C12orf54: variants seen among roughly 807,000 people sequenced by gnomAD.
C12orf54 encodes chromosome 12 open reading frame 54.
In C12orf54, 24 loss-of-function variants were observed where a neutral mutation model predicts 26.4. The ratio of observed to expected loss-of-function variants is 0.91; its 90% CI spans 0.66 to 1.28. C12orf54 has a LOEUF of 1.28. Among genes scored for constraint, C12orf54 ranks in the 50% most tolerant of loss-of-function variants. The pLI, the probability that C12orf54 is intolerant of heterozygous loss-of-function variation, is 0.00. For synonymous variants in C12orf54, 54 were observed against 47.0 expected, an observed-to-expected ratio of 1.15 and a Z score of -0.61; for missense variants, 154 against 150.9, an observed-to-expected ratio of 1.02 and a Z score of -0.11.
At chr12:48,477,333 A>C in the C12orf54 span, among the ~76,000 whole-genome samples, 5 of 152,234 alleles carry the variant, frequency 3.3e-5, no homozygotes, top group Non-Finnish European at 7.3e-5. Context: ...CACAATTAAA[A>C]GAACTAGAAA....
the C12orf54 span, among the ~76,000 whole-genome samples, chr12:48,454,459 C>T: frequency 0.2 from 29,926 of 151,976 alleles, 3,269 homozygotes; most frequent in South Asian, 0.3. Flanking sequence ...TTTTACCTGA[C>T]ATAGAAAAAA....
chr12:48,435,380 G>A, the C12orf54 span, among the ~76,000 whole-genome samples: 21 of 152,288 alleles, frequency 1.4e-4, no homozygotes, highest in Non-Finnish European at 2.5e-4. Context: ...AGCAAGGCAG[G>A]CCAACATTCA....
the C12orf54 span, among the ~76,000 whole-genome samples, chr12:48,462,013 G>C: frequency 6.6e-6 from 1 of 151,686 alleles, no homozygotes; most frequent in East Asian, 1.9e-4. Context: ...GAGAGAGATG[G>C]ATAGAGAAAG....
At chr12:48,451,027 AAG>A in the C12orf54 span, among the ~76,000 whole-genome samples, 8 of 152,250 alleles carry the variant, frequency 5.3e-5, no homozygotes, top group African/African-American at 1.7e-4. Context: ...ATTTAAAAAA[AAG>A]AGAGAGAAAA....
the C12orf54 span, among the ~76,000 whole-genome samples, chr12:48,450,502 G>T: frequency 6.6e-6 from 1 of 152,126 alleles, no homozygotes; most frequent in Non-Finnish European, 1.5e-5. Context: ...AACTGAAGGA[G>T]ACAGAGACAT....
At chr12:48,435,564 C>T in the C12orf54 span, among the ~76,000 whole-genome samples, 12 of 152,296 alleles carry the variant, frequency 7.9e-5, no homozygotes, top group African/African-American at 1.9e-4. Context: ...GCTGATCTCT[C>T]GGCAGAAACT....
At chr12:48,430,574 A>G in the C12orf54 span, among the ~76,000 whole-genome samples, 2 of 152,220 alleles carry the variant, frequency 1.3e-5, no homozygotes, top group African/African-American at 4.8e-5. Context: ...GATCAGAGAA[A>G]TGCAAATCAA....
At chr12:48,472,127 T>C in the C12orf54 span, among the ~76,000 whole-genome samples, 1 of 152,198 alleles carries the variant, frequency 6.6e-6, no homozygotes, top group African/African-American at 2.4e-5. Flanking sequence ...GGTTGTGTTC[T>C]TGATTTATTC....
upstream of C12orf54, among the ~76,000 whole-genome samples, chr12:48,478,385 A>C (rs541272329): frequency 6.6e-6 from 1 of 152,302 alleles, no homozygotes; most frequent in African/African-American, 2.4e-5. Context: ...ATAGTGTTGG[A>C]AGTTCTGGCC....
chr12:48,419,324 T>C, the C12orf54 span, among the ~76,000 whole-genome samples: 1 of 151,522 alleles, frequency 6.6e-6, no homozygotes, highest in Non-Finnish European at 1.5e-5. Context: ...TTTGGAAGGG[T>C]TTTAAGCCTT....
chr12:48,472,889 A>G, the C12orf54 span: 8 of 1,614,200 alleles, frequency 5.0e-6, no homozygotes, highest in Non-Finnish European at 6.8e-6. Context: ...GCAGTAACAG[A>G]GCCTCAGTGG....
At chr12:48,434,408 A>T in the C12orf54 span, among the ~76,000 whole-genome samples, 1 of 152,198 alleles carries the variant, frequency 6.6e-6, no homozygotes, top group Non-Finnish European at 1.5e-5. Context: ...AGCTTTGAAG[A>T]GAGTAGTGGT....
At chr12:48,430,268 C>A in the C12orf54 span, among the ~76,000 whole-genome samples, 1 of 152,082 alleles carries the variant, frequency 6.6e-6, no homozygotes, top group Non-Finnish European at 1.5e-5. Flanking sequence ...ACCAAGGACC[C>A]AAAAGCAAAA....
the C12orf54 span, among the ~76,000 whole-genome samples, chr12:48,441,601 G>T: frequency 1.3e-5 from 2 of 152,138 alleles, no homozygotes; most frequent in South Asian, 4.2e-4. Context: ...AGGATTTGGG[G>T]ATTCCATGAT....
At chr12:48,491,567 G>T (rs1039910517) in intron 6 of C12orf54, among the ~76,000 whole-genome samples, 5 of 152,218 alleles carry the variant, frequency 3.3e-5, no homozygotes, top group Admixed American at 6.5e-5. Context: ...TATGATTCTT[G>T]TCTGTAAAGA....
the C12orf54 span, among the ~76,000 whole-genome samples, chr12:48,438,660 T>C: frequency 1.3e-5 from 2 of 152,306 alleles, no homozygotes; most frequent in East Asian, 3.9e-4. Context: ...GGGGAAAGGA[T>C]TCCCTATTTA....
chr12:48,436,052 G>A, the C12orf54 span, among the ~76,000 whole-genome samples: 14 of 152,070 alleles, frequency 9.2e-5, no homozygotes, highest in African/African-American at 3.4e-4. Flanking sequence ...CAAAATGAAG[G>A]GATGGAGGAA....
At chr12:48,474,699 G>C in the C12orf54 span, among the ~76,000 whole-genome samples, 120 of 152,286 alleles carry the variant, frequency 7.9e-4, 2 homozygotes, top group African/African-American at 2.6e-3. Context: ...CGGGAGGGGC[G>C]CCCGCCATTG....
At chr12:48,444,627 T>A in the C12orf54 span, among the ~76,000 whole-genome samples, 12 of 152,212 alleles carry the variant, frequency 7.9e-5, no homozygotes, top group Non-Finnish European at 1.6e-4. Context: ...AGTCATGTCT[T>A]ATTTTTTTTA....
Sources: allele counts gnomAD v4.1 joint callset (sites outside exome capture counted in the v4.1 genomes callset), GRCh38; gene constraint gnomAD v4.1.1; transcripts MANE v1.5; gene names NCBI Gene and HGNC (gene_info 2026-07-23, HGNC 2026-07-21).